Variants in TENM3 observed in about 807,000 individuals in gnomAD.
The protein encoded by TENM3 is teneurin transmembrane protein 3, also known as teneurin-3.
In TENM3, 63 loss-of-function variants were observed where a neutral mutation model predicts 255.1. The observed-to-expected ratio is 0.25, with a 90% confidence interval of 0.20 to 0.30. The LOEUF is 0.30. TENM3 is among the 10% of genes least tolerant of loss of function. The pLI is 1.00. For missense variants in TENM3, 2,929 were observed against 3,461.1 expected (o/e 0.85, Z 3.86); for synonymous variants, 1,306 against 1,322.3 (o/e 0.99, Z 0.27).
intron 3 of TENM3, among the ~76,000 whole-genome samples, chr4:182,495,265 A>G (rs1735671206): frequency 6.6e-6 from 1 of 152,194 alleles, no homozygotes; most frequent in East Asian, 1.9e-4. Context: ...TGCCTTTCTC[A>G]TAATGCCTGA....
chr4:182,731,115 C>T lies in TENM3; in HGVS notation c.2943C>T (p.Asp981=), dbSNP rs776523841. ...CCTTTTTCAGATCTTCTCCTGAAGA[C>T]AGTCCCATCATTCCCGAAACACAGG... is the stretch of plus-strand genomic sequence containing the variant. The part of the protein sequence containing the change: ...LSTFFRSSPE[D]SPIIPETQVL... Residue 981 remains aspartate, a synonymous_variant, in exon 16 of 28, where the codon GAC becomes GAT. Transcript: ENST00000511685. The T allele has an allele frequency of 6.2e-7, 1 of 1,613,742 alleles. No individual in the cohort carries two copies. The highest frequency in any genetic ancestry group is 8.5e-7 in the Non-Finnish European group (1 of 1,179,782).
chr4:182,094,968 A>T, the TENM3 span, among the ~76,000 whole-genome samples: 2 of 152,038 alleles, frequency 1.3e-5, no homozygotes, highest in African/African-American at 2.4e-5. Context: ...GAAATTTTTA[A>T]ACATCTAAAA....
chr4:182,544,631 C>T (rs1479137678), intron 3 of TENM3, among the ~76,000 whole-genome samples: 8 of 152,234 alleles, frequency 5.3e-5, no homozygotes, highest in Admixed American at 3.9e-4. Flanking sequence ...TAGGTAACCT[C>T]TCAGTCTCCT....
At chr4:181,862,895 A>T in the TENM3 span, among the ~76,000 whole-genome samples, 2 of 152,182 alleles carry the variant, frequency 1.3e-5, no homozygotes, top group Non-Finnish European at 2.9e-5. Flanking sequence ...AGAAGTAAAG[A>T]ATATCCTGGT....
chr4:182,467,481 A>C (rs781701372), intron 3 of TENM3, among the ~76,000 whole-genome samples: 1 of 152,188 alleles, frequency 6.6e-6, no homozygotes, highest in Non-Finnish European at 1.5e-5. Flanking sequence ...GAATGAAGGG[A>C]TATCTAGGCC....
At chr4:182,785,754 T>C (rs1344113749) in intron 24 of TENM3, among the ~76,000 whole-genome samples, 5 of 132,100 alleles carry the variant, frequency 3.8e-5, no homozygotes, top group African/African-American at 8.8e-5. Flanking sequence ...CCTGGAATAA[T>C]GCTGGTACTT....
At chr4:181,940,180 T>C in the TENM3 span, among the ~76,000 whole-genome samples, 1 of 152,228 alleles carries the variant, frequency 6.6e-6, no homozygotes, top group South Asian at 2.1e-4. Context: ...TGTCTTGTTT[T>C]TTATAATGTA....
intron 1 of TENM3, among the ~76,000 whole-genome samples, chr4:182,166,539 C>T (rs1336358583): frequency 2.6e-5 from 4 of 152,196 alleles, no homozygotes; most frequent in Admixed American, 6.5e-5. Context: ...TCACCCCAAA[C>T]TACATCACAT....
chr4:182,691,289 C>G (rs1379140347), intron 12 of TENM3, among the ~76,000 whole-genome samples: 3 of 152,222 alleles, frequency 2.0e-5, no homozygotes, highest in African/African-American at 7.2e-5. Context: ...TGAAAGAATG[C>G]TCATAAATCA....
the TENM3 span, among the ~76,000 whole-genome samples, chr4:181,785,145 G>A: frequency 6.6e-6 from 1 of 152,156 alleles, no homozygotes; most frequent in South Asian, 2.1e-4. Flanking sequence ...AGGCACATGT[G>A]TGAAGTTGGA....
the TENM3 span, among the ~76,000 whole-genome samples, chr4:181,762,899 A>G: frequency 3.6e-5 from 5 of 139,494 alleles, no homozygotes; most frequent in African/African-American, 1.3e-4. Context: ...TACAATTTAC[A>G]TATTACAGAC....
chr4:182,671,336 G>T (rs1277272425), intron 6 of TENM3, among the ~76,000 whole-genome samples: 2 of 152,132 alleles, frequency 1.3e-5, no homozygotes, highest in Admixed American at 6.5e-5. Flanking sequence ...TTGTTTTCTG[G>T]CCAGATGGAT....
At chr4:182,358,528 T>G (rs995750482) in intron 3 of TENM3, among the ~76,000 whole-genome samples, 2 of 152,156 alleles carry the variant, frequency 1.3e-5, no homozygotes, top group Non-Finnish European at 1.5e-5. Context: ...TTGTCTGTTA[T>G]CGGTGTATAA....
At chr4:182,212,632 T>C (rs958935761) in intron 1 of TENM3, among the ~76,000 whole-genome samples, 1 of 152,332 alleles carries the variant, frequency 6.6e-6, no homozygotes, top group South Asian at 2.1e-4. Flanking sequence ...CAGAGCTGCC[T>C]CCACAAAGTC....
chr4:181,822,091 C>T, the TENM3 span, among the ~76,000 whole-genome samples: 1 of 152,104 alleles, frequency 6.6e-6, no homozygotes, highest in Admixed American at 6.6e-5. Context: ...TTTGAAACCA[C>T]AAATGTCACT....
At chr4:182,236,259 T>G (rs1455846227) in intron 1 of TENM3, among the ~76,000 whole-genome samples, 4 of 152,232 alleles carry the variant, frequency 2.6e-5, no homozygotes, top group Admixed American at 6.5e-5. Context: ...TAAGACATCA[T>G]ATTTCTGCAG....
chr4:182,517,191 G>A (rs1005716989), intron 3 of TENM3, among the ~76,000 whole-genome samples: 5 of 151,862 alleles, frequency 3.3e-5, no homozygotes, highest in South Asian at 2.1e-4. Context: ...AAACCCAGCC[G>A]AGAATATAAA....
the TENM3 span, among the ~76,000 whole-genome samples, chr4:181,918,445 C>T: frequency 6.6e-6 from 1 of 152,126 alleles, no homozygotes; most frequent in East Asian, 1.9e-4. Flanking sequence ...TCTTAGTCTA[C>T]AGGAAGACTA....
At chr4:181,534,051 T>C in the TENM3 span, among the ~76,000 whole-genome samples, 1 of 152,152 alleles carries the variant, frequency 6.6e-6, no homozygotes, top group African/African-American at 2.4e-5. Context: ...AGTGGTTAAT[T>C]GTAACTTGAA....
Sources: allele counts gnomAD v4.1 joint callset (sites outside exome capture counted in the v4.1 genomes callset), GRCh38; gene constraint gnomAD v4.1.1; transcripts MANE v1.5; gene names NCBI Gene and HGNC (gene_info 2026-07-23, HGNC 2026-07-21).